Variants in ABCC9 observed in about 807,000 individuals in gnomAD.
ABCC9 encodes the protein ATP-binding cassette sub-family C member 9.
In ABCC9, 95 loss-of-function variants were observed where a neutral mutation model predicts 188.3. That is an observed-to-expected ratio of 0.50 (90% CI 0.43 to 0.60). The LOEUF is 0.60. Among genes scored for constraint, ABCC9 ranks in the 20% least tolerant of loss-of-function variants. ABCC9 has a pLI of 0.00. For missense variants in ABCC9, 1,102 were observed against 1,876.3 expected (o/e 0.59, Z 7.62); for synonymous variants, 659 against 652.7 (o/e 1.01, Z -0.15).
chr12:21,856,926 C>T (rs949633336), intron 22 of ABCC9, among the ~76,000 whole-genome samples: 2 of 152,220 alleles, frequency 1.3e-5, no homozygotes, highest in South Asian at 2.1e-4. Flanking sequence ...ATTCACTAGA[C>T]ATCAGTCCTT....
At position 21,838,777 on chromosome 12, in the gene ABCC9, T is replaced by C. The variant is rs1944234002; in HGVS notation, c.3474-607A>G. ...GGCCAGGTGCGGTGGCTCATACCTG[T>C]AATCCCAGCACTTTGAGAGGCTGAG... On this transcript the variant is annotated intron_variant, in intron 29 of 39. Coordinates refer to ENST00000261200, the MANE Select transcript of ABCC9 (RefSeq NM_020297.4). Among the ~76,000 whole-genome samples the C allele has an allele frequency of 2.0e-5, 3 of 152,138 alleles. No individual in the cohort carries two copies. In the South Asian group the frequency reaches 6.2e-4, roughly 32 times the overall value.
intron 22 of ABCC9, among the ~76,000 whole-genome samples, chr12:21,854,989 T>C (rs1945149350): frequency 6.6e-6 from 1 of 152,090 alleles, no homozygotes; most frequent in African/African-American, 2.4e-5. Flanking sequence ...TATCAGCAAA[T>C]TATTGGTTTT....
At chr12:21,823,310 G>A (rs1431193891) in intron 31 of ABCC9, among the ~76,000 whole-genome samples, 2 of 152,156 alleles carry the variant, frequency 1.3e-5, no homozygotes, top group East Asian at 3.9e-4. Flanking sequence ...GAATTATAAT[G>A]AAAACTGTAA....
At position 21,875,649 on chromosome 12, in the gene ABCC9, C is replaced by A. The variant is rs763488230; in HGVS notation, c.2092+5G>T. The A allele has an allele frequency of 5.0e-6, 8 of 1,595,050 alleles. No individual in the cohort carries two copies. The highest frequency in any genetic ancestry group is 6.9e-6 in the Non-Finnish European group (8 of 1,162,870). Reference sequence around the variant, plus strand: ...TTACAAAAATGCATAACAGATAACTCTTACCTGTTGGAATTCGAATATCTA... The same window carrying A: ...TTACAAAAATGCATAACAGATAACTATTACCTGTTGGAATTCGAATATCTA... On this transcript the variant is annotated splice_donor_5th_base_variant and intron_variant, in intron 17 of 39. Coordinates refer to ENST00000261200, the MANE Select transcript of ABCC9 (RefSeq NM_020297.4).
intron 3 of ABCC9, among the ~76,000 whole-genome samples, chr12:21,934,759 A>C (rs922011961): frequency 6.6e-6 from 1 of 152,010 alleles, no homozygotes; most frequent in African/African-American, 2.4e-5. Flanking sequence ...AGCCCCACCT[A>C]CTTCAAGAAC....
In ABCC9 at chr12:21,806,140, C is replaced by T. The variant is rs1941827122; in HGVS notation, c.4450-80G>A. ...TTTGCCCCAAGAACAATCAATATTC[C>T]ACTGAATCCCTTGTGAGCATTCTCA... On this transcript the variant is annotated intron_variant, in intron 38 of 39. Transcript: ENST00000261200. 4.0e-6 allele frequency: 5 copies of T among 1,237,080 alleles called. No homozygotes were observed. In the South Asian group the frequency reaches 6.2e-5, roughly 15 times the overall value. 76.6% of individuals were successfully genotyped at this position (1,237,080 alleles called of 1,614,324 possible).
intron 29 of ABCC9, among the ~76,000 whole-genome samples, chr12:21,840,096 C>G (rs1255222759): frequency 1.3e-5 from 2 of 152,178 alleles, no homozygotes; most frequent in Non-Finnish European, 2.9e-5. Flanking sequence ...GAGGGCACAG[C>G]TTGATCTTGT....
chr12:21,862,546 G>T (rs1289335084), intron 20 of ABCC9, among the ~76,000 whole-genome samples: 1 of 151,522 alleles, frequency 6.6e-6, no homozygotes, highest in African/African-American at 2.4e-5. Flanking sequence ...GTGTATTCTG[G>T]CTGTTCCCAG....
At chr12:21,824,159 C>T (rs892549719) in intron 31 of ABCC9, among the ~76,000 whole-genome samples, 3 of 152,186 alleles carry the variant, frequency 2.0e-5, no homozygotes, top group Middle Eastern at 3.4e-3. Flanking sequence ...TTTTGAGATA[C>T]GTTCCATTGA....
chr12:21,847,130 A>C (rs2137405880), intron 25 of ABCC9, among the ~76,000 whole-genome samples: 1 of 152,254 alleles, frequency 6.6e-6, no homozygotes, highest in African/African-American at 2.4e-5. Context: ...TTACCCTGTA[A>C]GCAAAGTGCT....
At chr12:21,860,919 A>C in intron 21 of ABCC9, 52 bp downstream of exon 21, 1 of 1,364,094 alleles carries the variant, frequency 7.3e-7, no homozygotes, top group Non-Finnish European at 1.0e-6. Flanking sequence ...AGACAACCAG[A>C]AGACTTTTCT....
chr12:21,816,043 T>G (rs973809952), intron 33 of ABCC9, 150 bp from the exon 34 acceptor site: 8 of 23,914 alleles, frequency 3.3e-4, no homozygotes, highest in Admixed American at 4.3e-4. Flanking sequence ...GCAGTTTTTT[T>G]TTTTTTTTTT....
intron 14 of ABCC9, among the ~76,000 whole-genome samples, chr12:21,889,318 A>G (rs1042854294): frequency 2.0e-5 from 3 of 149,552 alleles, no homozygotes; most frequent in Non-Finnish European, 4.5e-5. Flanking sequence ...CTTGAAAAAC[A>G]GTGTTATAAA....
At chr12:21,816,815 T>C (rs1222145798) in intron 33 of ABCC9, among the ~76,000 whole-genome samples, 1 of 152,198 alleles carries the variant, frequency 6.6e-6, no homozygotes, top group Non-Finnish European at 1.5e-5. Flanking sequence ...GACAGTATTA[T>C]CCTAGCAAAG....
chr12:21,860,031 A>T (rs1264015371), intron 21 of ABCC9, among the ~76,000 whole-genome samples: 1 of 152,056 alleles, frequency 6.6e-6, no homozygotes, highest in Non-Finnish European at 1.5e-5. Context: ...TGATATTATG[A>T]GTTATGTGAA....
chr12:21,838,920 G>A (rs1944241081), intron 29 of ABCC9, among the ~76,000 whole-genome samples: 1 of 152,146 alleles, frequency 6.6e-6, no homozygotes, highest in Non-Finnish European at 1.5e-5. Context: ...CAGCTACTCA[G>A]GAGGCTGAGG....
At chr12:21,883,855 A>G (rs1341018720) in intron 15 of ABCC9, among the ~76,000 whole-genome samples, 2 of 152,132 alleles carry the variant, frequency 1.3e-5, no homozygotes, top group African/African-American at 2.4e-5. Context: ...TATAAAGAGG[A>G]TGCCAGCTGA....
intron 39 of ABCC9, among the ~76,000 whole-genome samples, chr12:21,804,087 A>G (rs1372742550): frequency 6.7e-6 from 1 of 148,958 alleles, no homozygotes; most frequent in Non-Finnish European, 1.5e-5. Flanking sequence ...TGATTCTTCC[A>G]TGACAGCTTC....
chr12:21,904,256 A>G (rs2137821975), intron 12 of ABCC9, among the ~76,000 whole-genome samples: 1 of 152,350 alleles, frequency 6.6e-6, no homozygotes, highest in Admixed American at 6.5e-5. Context: ...TCCCTTCTTT[A>G]CACCTTATAC....
Sources: allele counts gnomAD v4.1 joint callset (sites outside exome capture counted in the v4.1 genomes callset), GRCh38; gene constraint gnomAD v4.1.1; transcripts MANE v1.5; gene names NCBI Gene and HGNC (gene_info 2026-07-23, HGNC 2026-07-21).